Variants in TMEM41B observed in about 807,000 individuals in gnomAD.
TMEM41B encodes protein stasimon.
A neutral mutation model predicts 31.9 loss-of-function variants in TMEM41B; 18 were observed. The observed-to-expected ratio is 0.56, with a 90% CI of 0.39 to 0.84. The LOEUF (loss-of-function observed/expected upper bound fraction) is 0.84. Ranked by LOEUF, TMEM41B falls within the 40% of genes least tolerant of loss-of-function variation. The probability of loss-of-function intolerance (pLI) is 0.00; values close to 1 mark genes in which losing one functional copy is unlikely to be tolerated. For missense variants in TMEM41B, 322 were observed against 348.0 expected (o/e 0.93, Z 0.59); for synonymous variants, 144 against 124.3 (o/e 1.16, Z -1.05).
At chr11:9,300,118 T>A (rs553235154) in intron 1 of TMEM41B, among the ~76,000 whole-genome samples, 1 of 152,128 alleles carries the variant, frequency 6.6e-6, no homozygotes, top group South Asian at 2.1e-4. Context: ...AAACTTCGTC[T>A]AAAAAAATAA....
intron 2 of TMEM41B, among the ~76,000 whole-genome samples, chr11:9,298,576 C>A (rs1324062853): frequency 6.6e-6 from 1 of 151,826 alleles, no homozygotes; most frequent in Admixed American, 6.6e-5. Flanking sequence ...ACCAGCCTGG[C>A]CAACAGGTTT....
chr11:9,283,733 G>T, intron 6 of TMEM41B, 140 bp from the exon 7 acceptor site: 1 of 687,272 alleles, frequency 1.5e-6, no homozygotes, highest in Non-Finnish European at 2.3e-6. Context: ...TAAAGCTCAA[G>T]TTTATTTCCA....
intron 3 of TMEM41B, among the ~76,000 whole-genome samples, chr11:9,292,226 A>G (rs939807637): frequency 2.0e-5 from 3 of 152,134 alleles, no homozygotes; most frequent in African/African-American, 4.8e-5. Flanking sequence ...AATTTTGCCT[A>G]TTGGATACTT....
intron 1 of TMEM41B, among the ~76,000 whole-genome samples, chr11:9,303,301 G>A (rs1846209132): frequency 1.3e-5 from 2 of 152,054 alleles, no homozygotes. Context: ...ACCACACCCA[G>A]CTAATTTTTA....
chr11:9,305,327 C>T (rs892823629), intron 1 of TMEM41B, among the ~76,000 whole-genome samples: 1 of 151,958 alleles, frequency 6.6e-6, no homozygotes, highest in Admixed American at 6.6e-5. Context: ...GGCCAGGTGT[C>T]GTGGCTCACT....
chr11:9,314,233 A>C, intron 1 of TMEM41B, 88 bp downstream of exon 1: 2 of 1,420,824 alleles, frequency 1.4e-6, no homozygotes, highest in South Asian at 1.4e-5. Flanking sequence ...TTTCCCCGCG[A>C]CTCTCCGAGA....
chr11:9,314,240 G>A (rs558642932), intron 1 of TMEM41B, 81 bp downstream of exon 1: 13 of 1,456,524 alleles, frequency 8.9e-6, no homozygotes, highest in Admixed American at 2.4e-5. Context: ...GCGACTCTCC[G>A]AGAATAGCGG....
At chr11:9,306,683 C>CT (rs1182983381) in intron 1 of TMEM41B, among the ~76,000 whole-genome samples, 5 of 146,398 alleles carry the variant, frequency 3.4e-5, no homozygotes, top group African/African-American at 1.2e-4. Flanking sequence ...GAGACTCCGT[C>CT]TCAAAAAAAA....
intron 3 of TMEM41B, among the ~76,000 whole-genome samples, chr11:9,292,518 G>A (rs1478822541): frequency 6.6e-6 from 1 of 151,988 alleles, no homozygotes; most frequent in East Asian, 1.9e-4. Context: ...ACAATATGAT[G>A]ACTAAAAACA....
chr11:9,288,651 C>A, intron 3 of TMEM41B, 116 bp from the exon 4 acceptor site: 1 of 712,624 alleles, frequency 1.4e-6, no homozygotes, highest in Non-Finnish European at 2.2e-6. Flanking sequence ...AGATTATATC[C>A]AAAGGTCTAG....
chr11:9,297,213 T>C (rs1305709954), intron 2 of TMEM41B, among the ~76,000 whole-genome samples: 2 of 152,282 alleles, frequency 1.3e-5, no homozygotes, highest in East Asian at 3.9e-4. Context: ...GCCTCCCAAG[T>C]AGCTGGGACT....
intron 1 of TMEM41B, among the ~76,000 whole-genome samples, chr11:9,313,530 A>G (rs1162531928): frequency 6.6e-6 from 1 of 152,220 alleles, no homozygotes; most frequent in Non-Finnish European, 1.5e-5. Context: ...AACAATATTT[A>G]AAGCCGTGAG....
At chr11:9,302,011 T>G (rs1285448353) in intron 1 of TMEM41B, among the ~76,000 whole-genome samples, 1 of 150,224 alleles carries the variant, frequency 6.7e-6, no homozygotes, top group East Asian at 1.9e-4. Flanking sequence ...TTCTCGGTTT[T>G]TTTTTTTTTT....
At chr11:9,285,485 G>T (rs1298008218) in intron 6 of TMEM41B, among the ~76,000 whole-genome samples, 1 of 152,112 alleles carries the variant, frequency 6.6e-6, no homozygotes, top group African/African-American at 2.4e-5. Context: ...TATTCAATAT[G>T]TAAGAAATCT....
chr11:9,303,643 T>C (rs2133639678), intron 1 of TMEM41B, among the ~76,000 whole-genome samples: 1 of 143,480 alleles, frequency 7.0e-6, no homozygotes, highest in African/African-American at 2.6e-5. Context: ...TCCCTATTAT[T>C]CTTTTTCTTT....
At chr11:9,309,241 C>T (rs1434056714) in intron 1 of TMEM41B, among the ~76,000 whole-genome samples, 2 of 105,410 alleles carry the variant, frequency 1.9e-5, no homozygotes, top group Admixed American at 1.8e-4. Context: ...AGTGAAACTC[C>T]ATTTCAAAAA....
At position 9,283,197 on chromosome 11, in the gene TMEM41B, A is replaced by G. The variant is rs1310207005; in HGVS notation, c.*227T>C. 1 of 372,324 alleles carries G rather than the reference A, an allele frequency of 2.7e-6. No homozygotes were observed. Among genetic ancestry groups the G allele is most frequent in the Non-Finnish European group, 4.7e-6 (1 of 211,222 alleles). The allele number at this position is 372,324 out of a possible 1,614,324, so 23.1% of individuals were successfully genotyped here. A position where few individuals can be genotyped will look rare whatever the true frequency, so the allele number is the denominator to read the frequency against. On this transcript the variant is annotated 3_prime_UTR_variant, in exon 7 of 7. Transcript: ENST00000528080. The stretch of plus-strand genomic sequence containing the variant: ...GGTATAATAATTTATAAGATGTCTA[A>G]GATGTCTACCTTAACTATTGATAGC...
intron 1 of TMEM41B, among the ~76,000 whole-genome samples, chr11:9,312,583 A>G (rs1247901587): frequency 6.6e-6 from 1 of 152,084 alleles, no homozygotes; most frequent in Non-Finnish European, 1.5e-5. Context: ...TAGATTTGTG[A>G]TCTATAGATG....
At chr11:9,303,713 T>C (rs10770014) in intron 1 of TMEM41B, among the ~76,000 whole-genome samples, 44,583 of 145,844 alleles carry the variant, frequency 0.31, 7,161 homozygotes, top group African/African-American at 0.4. Flanking sequence ...TGTCGCCCAG[T>C]CTGGAGTGCA....
Sources: gnomAD v4.1 joint callset for allele counts (sites outside exome capture counted in the v4.1 genomes callset) on GRCh38, gnomAD v4.1.1 for gene constraint, MANE v1.5 for transcripts, NCBI Gene and HGNC (gene_info 2026-07-23, HGNC 2026-07-21) for gene names.